TAF3: variants seen among roughly 807,000 people sequenced by gnomAD.
TAF3 encodes TATA-box binding protein associated factor 3.
TAF3 carries 7 observed loss-of-function variants against 80.6 expected under a neutral mutation model. That is an observed-to-expected ratio of 0.09 (90% CI 0.05 to 0.16). The LOEUF is 0.16. Ranked by LOEUF, TAF3 falls within the 10% of genes least tolerant of loss-of-function variation. The pLI is 1.00. For synonymous variants in TAF3, 444 were observed against 446.1 expected (o/e 1.00, Z 0.06); for missense variants, 921 against 1,140.2 (o/e 0.81, Z 2.77).
At chr10:7,923,178 C>G (rs1363853630) in intron 2 of TAF3, among the ~76,000 whole-genome samples, 1 of 151,998 alleles carries the variant, frequency 6.6e-6, no homozygotes, top group Non-Finnish European at 1.5e-5. Context: ...GGCTAACATT[C>G]TATATCCTCG....
chr10:7,967,761 T>C lies in TAF3; in HGVS notation c.2232+2019T>C, dbSNP rs1003516578. On this transcript the variant is annotated intron_variant, in intron 3 of 6. Coordinates refer to ENST00000344293, the MANE Select transcript of TAF3 (RefSeq NM_031923.4). ...AGTAGATGGAGAGAGTGTTCCATTC[T>C]GAATCAAACTATAAAATGTAGGAAC... Among the ~76,000 whole-genome samples the C allele has an allele frequency of 2.0e-5, 3 of 152,194 alleles. No individual in the cohort carries two copies. In the East Asian group the frequency reaches 5.8e-4, roughly 29 times the overall value.
intron 2 of TAF3, among the ~76,000 whole-genome samples, chr10:7,864,010 TC>T (rs1837183994): frequency 6.6e-6 from 1 of 152,122 alleles, no homozygotes; most frequent in Non-Finnish European, 1.5e-5. Context: ...TGCTCCTTCA[TC>T]CCCTTATCCT....
chr10:7,835,167 G>A (rs1356468236), intron 2 of TAF3, among the ~76,000 whole-genome samples: 1 of 152,154 alleles, frequency 6.6e-6, no homozygotes, highest in African/African-American at 2.4e-5. Flanking sequence ...AAGAAGGATT[G>A]TCTTTGGCCA....
chr10:7,840,569 C>G (rs1836902396), intron 2 of TAF3, among the ~76,000 whole-genome samples: 2 of 150,620 alleles, frequency 1.3e-5, no homozygotes, highest in Non-Finnish European at 2.9e-5. Context: ...TTAGAATTTG[C>G]CAGAAATTTA....
At chr10:7,887,808 A>G (rs1334103734) in intron 2 of TAF3, among the ~76,000 whole-genome samples, 1 of 151,874 alleles carries the variant, frequency 6.6e-6, no homozygotes, top group African/African-American at 2.4e-5. Flanking sequence ...TTATAATTTT[A>G]ATTGGCCACT....
chr10:7,887,778 T>C (rs1837422073), intron 2 of TAF3, among the ~76,000 whole-genome samples: 2 of 151,996 alleles, frequency 1.3e-5, no homozygotes, highest in Admixed American at 1.3e-4. Context: ...TGGTTATACC[T>C]TTTGGTTTAT....
intron 1 of TAF3, among the ~76,000 whole-genome samples, chr10:7,819,128 C>T (rs1041200568): frequency 1.1e-4 from 17 of 152,166 alleles, no homozygotes; most frequent in African/African-American, 4.1e-4. Context: ...GCTCCACACC[C>T]TCCTACCGCT....
intron 2 of TAF3, among the ~76,000 whole-genome samples, chr10:7,925,073 A>G (rs1421595147): frequency 6.6e-6 from 1 of 152,176 alleles, no homozygotes; most frequent in African/African-American, 2.4e-5. Context: ...CCAAATTTCA[A>G]CCCTTAGGAG....
chr10:7,992,640 T>C (rs1588579566), intron 4 of TAF3, among the ~76,000 whole-genome samples: 1 of 152,310 alleles, frequency 6.6e-6, no homozygotes, highest in East Asian at 1.9e-4. Context: ...AAATAATGAA[T>C]GCACATTTTC....
At chr10:8,003,178 C>G (rs1277451875) in intron 4 of TAF3, among the ~76,000 whole-genome samples, 1 of 151,888 alleles carries the variant, frequency 6.6e-6, no homozygotes, top group Non-Finnish European at 1.5e-5. Context: ...TTATTTTGTG[C>G]TACTTCTTTA....
At position 7,915,426 on chromosome 10, in the gene TAF3, C is replaced by T. The variant is rs565102697; in HGVS notation, c.410-48494C>T. Among the ~76,000 whole-genome samples the T allele has an allele frequency of 9.6e-3, 1,398 of 146,336 alleles. 22 individuals are homozygous for T. The highest frequency in any genetic ancestry group is 0.033 in the African/African-American group (1,315 of 39,944). On this transcript the variant is annotated intron_variant, in intron 2 of 6. Transcript: ENST00000344293. The stretch of plus-strand genomic sequence containing the variant: ...TTGGGAGGCCGAGACGGGTGGATCA[C>T]GAGGTCAGGAGATCGAGACCATCCT...
chr10:7,982,631 C>T (rs1831736253), intron 4 of TAF3, among the ~76,000 whole-genome samples: 1 of 152,186 alleles, frequency 6.6e-6, no homozygotes, highest in Non-Finnish European at 1.5e-5. Flanking sequence ...AACTCCTAAC[C>T]TCCGGTGATC....
chr10:7,946,038 T>A (rs967796035), intron 2 of TAF3, among the ~76,000 whole-genome samples: 19 of 152,240 alleles, frequency 1.2e-4, no homozygotes, highest in African/African-American at 4.3e-4. Flanking sequence ...CTGACTGTCC[T>A]CCTGCCTTGG....
At chr10:7,890,669 T>C (rs1293356257) in intron 2 of TAF3, among the ~76,000 whole-genome samples, 1 of 152,188 alleles carries the variant, frequency 6.6e-6, no homozygotes, top group Non-Finnish European at 1.5e-5. Flanking sequence ...GATCTCCAGT[T>C]TCAGTTTCTT....
chr10:7,852,482 G>A (rs1223123166), intron 2 of TAF3, among the ~76,000 whole-genome samples: 1 of 152,080 alleles, frequency 6.6e-6, no homozygotes, highest in African/African-American at 2.4e-5. Context: ...GTCCTGTAGA[G>A]TTTTTTATAG....
intron 2 of TAF3, among the ~76,000 whole-genome samples, chr10:7,894,305 C>T (rs1336571475): frequency 6.6e-6 from 1 of 152,102 alleles, no homozygotes; most frequent in African/African-American, 2.4e-5. Context: ...TAGCTGGTCA[C>T]AGAGCAAACG....
At chr10:7,857,784 A>AGGTTAG in intron 2 of TAF3, among the ~76,000 whole-genome samples, 1 of 152,032 alleles carries the variant, frequency 6.6e-6, no homozygotes, top group South Asian at 2.1e-4. Context: ...GTTTTTGTTA[A>AGGTTAG]GAAAGAAAAA....
chr10:7,846,478 G>T (rs1445136472), intron 2 of TAF3, among the ~76,000 whole-genome samples: 2 of 152,138 alleles, frequency 1.3e-5, no homozygotes, highest in Non-Finnish European at 2.9e-5. Flanking sequence ...AACCCTTGGT[G>T]TACTGTTTGG....
chr10:7,821,027 A>G (rs1836685158), intron 1 of TAF3, among the ~76,000 whole-genome samples: 1 of 152,192 alleles, frequency 6.6e-6, no homozygotes, highest in Non-Finnish European at 1.5e-5. Flanking sequence ...CTGAATACAT[A>G]GTTACCTTTA....
Sources: allele counts gnomAD v4.1 joint callset (sites outside exome capture counted in the v4.1 genomes callset), GRCh38; gene constraint gnomAD v4.1.1; transcripts MANE v1.5; gene names NCBI Gene and HGNC (gene_info 2026-07-23, HGNC 2026-07-21).